The following BRD7 variants were observed in gnomAD, a reference collection of about 807,000 sequenced individuals.
The protein encoded by BRD7 is bromodomain containing 7.
Under a neutral mutation model 82.1 loss-of-function variants are expected in BRD7, and 15 were observed. That is an observed-to-expected ratio of 0.18 (90% CI 0.12 to 0.28). The LOEUF (loss-of-function observed/expected upper bound fraction) is 0.28. BRD7 is among the 10% of genes least tolerant of loss of function. The pLI is 1.00. For synonymous variants in BRD7, 232 were observed against 266.9 expected (o/e 0.87, Z 1.27); for missense variants, 638 against 779.9 (o/e 0.82, Z 2.17).
intron 1 of BRD7, 139 bp from the exon 2 acceptor site, chr16:50,368,437 C>T (rs2039237135): frequency 1.0e-6 from 1 of 970,866 alleles, no homozygotes; most frequent in Non-Finnish European, 1.5e-6. Context: ...TGTTGAATGA[C>T]GGACCCCGGC....
At position 50,325,702 on chromosome 16, in the gene BRD7, T is replaced by A. The variant is rs184486539; in HGVS notation, c.1331+46A>T. ...CTATCCACAAATCATGTATGTACTT[T>A]AATGTTTTTAAACAAATGTAATCAG... On this transcript the variant is annotated intron_variant, in intron 11 of 16. Transcript: ENST00000394688. 51 of 1,524,958 alleles carry A rather than the reference T, an allele frequency of 3.3e-5. No individual in the cohort carries two copies. In the African/African-American group the frequency reaches 6.3e-4, roughly 19 times the overall value. The allele number at this position is 1,524,958 out of a possible 1,614,324, so 94.5% of individuals were successfully genotyped here. A position where few individuals can be genotyped will look rare whatever the true frequency, so the allele number is the denominator to read the frequency against.
At chr16:50,328,590 T>G in intron 9 of BRD7, 79 bp downstream of exon 9, 1 of 1,238,036 alleles carries the variant, frequency 8.1e-7, no homozygotes, top group Non-Finnish European at 1.2e-6. Flanking sequence ...TTCAAGCTTG[T>G]TGCTTTAAAA....
chr16:50,326,236 A>C, intron 10 of BRD7, 48 bp downstream of exon 10: 1 of 1,492,244 alleles, frequency 6.7e-7, no homozygotes, highest in Non-Finnish European at 9.3e-7. Flanking sequence ...TTTCCCTAAT[A>C]TCCCAAAACA....
chr16:50,321,197 C>A (rs1183490032), intron 13 of BRD7, among the ~76,000 whole-genome samples: 2 of 152,138 alleles, frequency 1.3e-5, no homozygotes, highest in East Asian at 3.8e-4. Context: ...CCTATTGATA[C>A]ACTTCCCGGG....
intron 2 of BRD7, among the ~76,000 whole-genome samples, chr16:50,362,852 T>C (rs530791302): frequency 2.0e-5 from 3 of 152,298 alleles, no homozygotes; most frequent in East Asian, 1.9e-4. Flanking sequence ...TGCACAAAAA[T>C]GTAAATACAT....
At position 50,333,645 on chromosome 16, in the gene BRD7, C is replaced by T. The variant is rs771155259; in HGVS notation, c.940G>A (p.Glu314Lys). 6.2e-7 allele frequency: 1 copy of T among 1,610,784 alleles called. No homozygotes were observed. The highest frequency in any genetic ancestry group is 1.1e-5 in the South Asian group (1 of 90,948). The change falls in exon 8 of 17, where the codon GAG becomes AAG. Residue 314 changes from glutamate to lysine, a missense_variant. Coordinates refer to ENST00000394688, the MANE Select transcript of BRD7 (RefSeq NM_013263.5). Reference sequence around the variant, plus strand: ...ACGATGCGGTCAAGCTGCTCCTGCTCTCTCTCTAAATTATTGCTTTTAAAC... The same window carrying T: ...ACGATGCGGTCAAGCTGCTCCTGCTTTCTCTCTAAATTATTGCTTTTAAAC... ...DKFKSNNLER[E>K]QEQLDRIVKE...
rs1016093596 is a variant in BRD7 at position 50,341,948 on chromosome 16, A to T, written c.592-1862T>A. 4.6e-3 allele frequency among the ~76,000 whole-genome samples: 698 copies of T among 151,884 alleles called. 5 individuals carry two copies. The highest frequency in any genetic ancestry group is 0.016 in the African/African-American group (664 of 41,412). On this transcript the variant is annotated intron_variant, in intron 5 of 16. Coordinates refer to ENST00000394688, the MANE Select transcript of BRD7 (RefSeq NM_013263.5). ...ACTTTTCACACACACACACACACACACACACACACACACACACACATTTTA... is the reference window on the plus strand; with the variant it reads ...ACTTTTCACACACACACACACACACTCACACACACACACACACACATTTTA...
At chr16:50,335,247 G>C (rs2037749762) in intron 6 of BRD7, among the ~76,000 whole-genome samples, 1 of 152,182 alleles carries the variant, frequency 6.6e-6, no homozygotes, top group South Asian at 2.1e-4. Context: ...TAACAGACAG[G>C]CTTATCTTTT....
At chr16:50,343,714 A>C (rs1296360106) in intron 5 of BRD7, among the ~76,000 whole-genome samples, 1 of 152,194 alleles carries the variant, frequency 6.6e-6, no homozygotes, top group African/African-American at 2.4e-5. Flanking sequence ...TTAGCACAGC[A>C]GTCTGAGATT....
intron 2 of BRD7, among the ~76,000 whole-genome samples, chr16:50,365,772 C>T (rs960394942): frequency 8.6e-5 from 13 of 151,778 alleles, no homozygotes; most frequent in African/African-American, 2.9e-4. Flanking sequence ...CCCTCCCCCA[C>T]CCCACACACA....
chr16:50,356,133 A>AC (rs2038722120), intron 2 of BRD7, among the ~76,000 whole-genome samples: 1 of 152,234 alleles, frequency 6.6e-6, no homozygotes, highest in East Asian at 1.9e-4. Flanking sequence ...CTCTTTGGCA[A>AC]CATTTGTCTG....
At chr16:50,340,799 G>T (rs899973395) in intron 5 of BRD7, among the ~76,000 whole-genome samples, 1 of 152,098 alleles carries the variant, frequency 6.6e-6, no homozygotes, top group Non-Finnish European at 1.5e-5. Flanking sequence ...ATGTGCTGGA[G>T]AACTTGACCC....
intron 2 of BRD7, among the ~76,000 whole-genome samples, chr16:50,367,369 C>T (rs1235389166): frequency 2.6e-5 from 4 of 152,220 alleles, no homozygotes; most frequent in Admixed American, 2.6e-4. Flanking sequence ...CACAGGTGCA[C>T]ACCACCAGGC....
chr16:50,320,251 G>T lies in BRD7; in HGVS notation c.1753C>A (p.Leu585Ile). 2 of 1,610,562 alleles carry T rather than the reference G, an allele frequency of 1.2e-6. No individual in the cohort carries two copies. Among genetic ancestry groups the T allele is most frequent in the Non-Finnish European group, 1.7e-6 (2 of 1,178,814 alleles). The change falls in exon 15 of 17, where the codon CTT (leucine) becomes ATT (isoleucine). Residue 585 changes from leucine to isoleucine, a missense_variant. Physicochemically the swap from Leu to Ile is conservative, Grantham distance 5. This residue lies in a region of BRD7 where 402 missense variants were observed against 500.8 expected (regional missense o/e 0.80). Transcript: ENST00000394688. ...TCTTATGGGAGGCAAAACATACCAAGATGCATTTCTCTGTATGAGGGACCC... is the reference window on the plus strand; with the variant it reads ...TCTTATGGGAGGCAAAACATACCAATATGCATTTCTCTGTATGAGGGACCC... ...LLGPSYREMH[L>I]AEQVTNNLKE...
chr16:50,364,507 A>G (rs2039062431), intron 2 of BRD7, among the ~76,000 whole-genome samples: 1 of 152,212 alleles, frequency 6.6e-6, no homozygotes. Flanking sequence ...TGAATGTGAA[A>G]TAGAAACCAT....
chr16:50,333,598 C>G lies in BRD7; in HGVS notation c.987G>C (p.Leu329=), dbSNP rs1178676400. Residue 329 remains leucine (L), a synonymous_variant, in exon 8 of 17, where the codon CTG becomes CTC. Transcript: ENST00000394688. ...CCTGACTGTTCACAAGCCGCCTGGT[C>G]AGCTTTCCTCCAGATTCCTTCACGA... ...DRIVKESGGK[L]TRRLVNSQCE... 1.2e-6 allele frequency: 2 copies of G among 1,611,964 alleles called. No homozygotes were observed. The highest frequency in any genetic ancestry group is 1.7e-6 in the Non-Finnish European group (2 of 1,179,822).
Position 50,320,959 on chromosome 16 carries a change from T to C in BRD7, c.1501-185A>G, listed in dbSNP as rs139462413. Among the ~76,000 whole-genome samples, 219 of 152,312 alleles carry C rather than the reference T, an allele frequency of 1.4e-3. 2 individuals carry two copies. Among genetic ancestry groups the C allele is most frequent in the East Asian group, 0.012 (64 of 5,192 alleles). ...ACCCTTTTAAAATGCTATTCCCAAA[T>C]CTTGGCAAAAACAGGTATTCAATAA... On this transcript the variant is annotated intron_variant, in intron 13 of 16. Coordinates refer to ENST00000394688, the MANE Select transcript of BRD7 (RefSeq NM_013263.5).
At chr16:50,325,639 A>G in intron 11 of BRD7, 109 bp downstream of exon 11, 2 of 1,027,302 alleles carry the variant, frequency 1.9e-6, no homozygotes, top group African/African-American at 1.6e-5. Context: ...AAAATTACTG[A>G]GCACATTTTT....
At chr16:50,361,631 A>G (rs2038939931) in intron 2 of BRD7, among the ~76,000 whole-genome samples, 1 of 152,196 alleles carries the variant, frequency 6.6e-6, no homozygotes, top group Admixed American at 6.5e-5. Flanking sequence ...TACCAGATTT[A>G]TGTTACTAAC....
Sources: gnomAD v4.1 joint callset for allele counts (sites outside exome capture counted in the v4.1 genomes callset) on GRCh38, gnomAD v4.1.1 for gene constraint, gnomAD v4.1.1 regional missense constraint, MANE v1.5 for transcripts, NCBI Gene and HGNC (gene_info 2026-07-23, HGNC 2026-07-21) for gene names.